The following ELL2 variants were observed in gnomAD, a reference collection of about 807,000 sequenced individuals.
The protein encoded by ELL2 is elongation factor for RNA polymerase II 2.
ELL2 carries 21 observed loss-of-function variants against 72.8 expected under a neutral mutation model. That is an observed-to-expected ratio of 0.29 (90% CI 0.20 to 0.42). The LOEUF is 0.42. ELL2 is among the 10% of genes least tolerant of loss of function. ELL2 has a pLI of 1.00. For missense variants in ELL2, 568 were observed against 772.8 expected (o/e 0.73, Z 3.14); for synonymous variants, 266 against 283.2 (o/e 0.94, Z 0.61).
intron 3 of ELL2, 27 bp downstream of exon 3, chr5:95,919,397 C>A: frequency 6.4e-7 from 1 of 1,561,190 alleles, no homozygotes; most frequent in South Asian, 1.2e-5. Context: ...AATTTTTCCC[C>A]TTCAGTGTAC....
At position 95,926,257 on chromosome 5, in the gene ELL2, C is replaced by A. The variant is rs544629933; in HGVS notation, c.196-6712G>T. Among the ~76,000 whole-genome samples the A allele has an allele frequency of 3.9e-3, 585 of 151,748 alleles. 5 individuals are homozygous for A. The highest frequency in any genetic ancestry group is 0.013 in the African/African-American group (553 of 41,388). ...GGAGGAGTAGGAAGGGGAGGGTAGC[C>A]TTCACTGGCAATAGAAAAAGTTAAG... is the stretch of plus-strand genomic sequence containing the variant. On this transcript the variant is annotated intron_variant, in intron 2 of 11. Coordinates refer to ENST00000237853, the MANE Select transcript of ELL2 (RefSeq NM_012081.6).
At chr5:95,921,581 A>G (rs1173653666) in intron 2 of ELL2, among the ~76,000 whole-genome samples, 1 of 152,220 alleles carries the variant, frequency 6.6e-6, no homozygotes, top group African/African-American at 2.4e-5. Flanking sequence ...CTCAGCGCCT[A>G]GTTGGCATAC....
At chr5:95,923,712 G>C (rs1428302258) in intron 2 of ELL2, among the ~76,000 whole-genome samples, 1 of 152,070 alleles carries the variant, frequency 6.6e-6, no homozygotes, top group African/African-American at 2.4e-5. Flanking sequence ...GCCTTTTCTT[G>C]GTAGTTTCAG....
In ELL2 at chr5:95,927,491, A is replaced by G. The variant is rs1464303361; in HGVS notation, c.196-7946T>C. Among the ~76,000 whole-genome samples the G allele has an allele frequency of 2.4e-4, 8 of 33,706 alleles. 1 individual carries two copies. The highest frequency in any genetic ancestry group is 1.5e-3 in the Admixed American group (7 of 4,720). The allele number at this position is 33,706 out of a possible 152,430, so 22.1% of individuals were successfully genotyped here. ...TATATAGACATACACACACGTGTGT[A>G]TATAGACATACACACACGTGTGTAT... On this transcript the variant is annotated intron_variant, in intron 2 of 11. Coordinates refer to ENST00000237853, the MANE Select transcript of ELL2 (RefSeq NM_012081.6).
At chr5:95,920,793 G>A (rs1287063589) in intron 2 of ELL2, among the ~76,000 whole-genome samples, 1 of 152,190 alleles carries the variant, frequency 6.6e-6, no homozygotes, top group African/African-American at 2.4e-5. Context: ...TGTAAAATAT[G>A]ACTTAACCGA....
chr5:95,913,964 C>T, intron 3 of ELL2, 30 bp from the exon 4 acceptor site: 1 of 1,550,556 alleles, frequency 6.4e-7, no homozygotes, highest in Non-Finnish European at 8.7e-7. Context: ...CTTTGTTAGA[C>T]ATGACCTTCA....
chr5:95,898,919 T>C, intron 7 of ELL2, 109 bp from the exon 8 acceptor site: 1 of 796,708 alleles, frequency 1.3e-6, no homozygotes, highest in Non-Finnish European at 1.8e-6. Context: ...CTATTAATAT[T>C]ACCAGGGTTG....
intron 4 of ELL2, among the ~76,000 whole-genome samples, chr5:95,910,165 C>CT (rs144685269): frequency 0.03 from 4,576 of 150,854 alleles, 223 homozygotes; most frequent in African/African-American, 0.1. Context: ...AAATACCCAC[C>CT]TTTTTTTTTA....
At chr5:95,929,759 A>C (rs1750527756) in intron 2 of ELL2, among the ~76,000 whole-genome samples, 1 of 151,544 alleles carries the variant, frequency 6.6e-6, no homozygotes, top group South Asian at 2.1e-4. Context: ...GGCAAAAATA[A>C]ATTACAAGAT....
chr5:95,918,505 T>C (rs1476609078), intron 3 of ELL2, among the ~76,000 whole-genome samples: 1 of 152,126 alleles, frequency 6.6e-6, no homozygotes, highest in Non-Finnish European at 1.5e-5. Flanking sequence ...TAAAACTCTG[T>C]CAGTGTCTTA....
chr5:95,938,082 C>T (rs1750842240), intron 2 of ELL2, among the ~76,000 whole-genome samples: 3 of 152,172 alleles, frequency 2.0e-5, no homozygotes, highest in Non-Finnish European at 2.9e-5. Flanking sequence ...ATCTTCTCCA[C>T]ACCCCCCACA....
At chr5:95,920,226 G>A (rs1441168375) in intron 2 of ELL2, among the ~76,000 whole-genome samples, 1 of 151,620 alleles carries the variant, frequency 6.6e-6, no homozygotes, top group Non-Finnish European at 1.5e-5. Context: ...CTGTGGAACA[G>A]GAAGATGTAT....
Position 95,891,112 on chromosome 5 carries a change from T to G in ELL2, c.1752A>C (p.Lys584Asn), listed in dbSNP as rs1412745681. Residue 584 changes from lysine to asparagine, a missense_variant, in exon 10 of 12, where the codon AAA becomes AAC. Transcript: ENST00000237853. ...TTACAAATCCATTTACCTGATACTC[T>G]TTTGAGCCTGGAGAAAGGCGCTTTC... Reference protein sequence around the residue: ...AQRKRLSPGSKEYQNVHEEVL... With the variant: ...AQRKRLSPGSNEYQNVHEEVL... 8 of 1,614,030 alleles carry G rather than the reference T, an allele frequency of 5.0e-6. No homozygotes were observed.
intron 5 of ELL2, 167 bp from the exon 6 acceptor site, chr5:95,901,247 T>C: frequency 1.6e-6 from 1 of 628,924 alleles, no homozygotes. Flanking sequence ...ATTAACTTCA[T>C]TTTGGGAATT....
intron 1 of ELL2, among the ~76,000 whole-genome samples, chr5:95,960,378 T>C (rs1283132772): frequency 6.6e-6 from 1 of 151,982 alleles, no homozygotes; most frequent in Non-Finnish European, 1.5e-5. Context: ...TGTTTCCCCA[T>C]GCACCCTGGT....
intron 1 of ELL2, among the ~76,000 whole-genome samples, chr5:95,953,973 T>C (rs1331332514): frequency 6.6e-6 from 1 of 152,192 alleles, no homozygotes; most frequent in African/African-American, 2.4e-5. Flanking sequence ...ATAGACGTTA[T>C]TCAATAAAGA....
rs1561504329 is a variant in ELL2 at position 95,927,422 on chromosome 5, CATACACACACACGT to C, written c.196-7891_196-7878del. Among the ~76,000 whole-genome samples, 56 of 40,972 alleles carry C rather than the reference CATACACACACACGT, an allele frequency of 1.4e-3. 12 individuals are homozygous for C. Among genetic ancestry groups the C allele is most frequent in the Non-Finnish European group, 1.3e-3 (33 of 24,956 alleles). 26.9% of individuals were successfully genotyped at this position (40,972 alleles called of 152,430 possible). A position where few individuals can be genotyped will look rare whatever the true frequency, so the allele number is the denominator to read the frequency against. ...ACATACACACACGTGTGTATATAGA[CATACACACACACGT>C]GTGTATATAGACATACACACACACG... is the stretch of plus-strand genomic sequence containing the variant. On this transcript the variant is annotated intron_variant, in intron 2 of 11. Coordinates refer to ENST00000237853, the MANE Select transcript of ELL2 (RefSeq NM_012081.6).
At chr5:95,956,563 C>T (rs6894651) in intron 1 of ELL2, among the ~76,000 whole-genome samples, 48,500 of 151,984 alleles carry the variant, frequency 0.32, 9,109 homozygotes, top group African/African-American at 0.53. Flanking sequence ...CAGTCTTCTG[C>T]ATTTATAAGG....
intron 2 of ELL2, among the ~76,000 whole-genome samples, chr5:95,922,553 G>A (rs1049359302): frequency 1.1e-4 from 16 of 152,288 alleles, no homozygotes; most frequent in African/African-American, 3.6e-4. Context: ...ACAAACCTTT[G>A]TTACTTAAAT....
Sources: gnomAD v4.1 joint callset for allele counts (sites outside exome capture counted in the v4.1 genomes callset) on GRCh38, gnomAD v4.1.1 for gene constraint, MANE v1.5 for transcripts, NCBI Gene and HGNC (gene_info 2026-07-23, HGNC 2026-07-21) for gene names.